Variants in MICOS10 observed in about 807,000 individuals in gnomAD.
MICOS10 encodes the protein MICOS complex subunit MIC10.
Under a neutral mutation model 13.4 loss-of-function variants are expected in MICOS10, and 5 were observed. That is an observed-to-expected ratio of 0.37 (90% CI 0.20 to 0.78). The LOEUF is 0.78. MICOS10 is among the 30% of genes least tolerant of loss of function. The pLI, the probability that MICOS10 is intolerant of heterozygous loss-of-function variation, is 0.47. For synonymous variants in MICOS10, 35 were observed against 33.6 expected (o/e 1.04, Z -0.15); for missense variants, 101 against 94.6 (o/e 1.07, Z -0.28).
At chr1:19,613,812 G>T (rs373156755) in intron 1 of MICOS10, among the ~76,000 whole-genome samples, 1 of 152,204 alleles carries the variant, frequency 6.6e-6, no homozygotes, top group African/African-American at 2.4e-5. Context: ...TGCACTGGGA[G>T]CAGTATAGTG....
At chr1:19,617,731 A>G (rs112653874) in intron 1 of MICOS10, among the ~76,000 whole-genome samples, 14 of 152,310 alleles carry the variant, frequency 9.2e-5, no homozygotes, top group African/African-American at 3.1e-4. Context: ...CATTGACAGA[A>G]ACACGATTGA....
chr1:19,600,692 C>T (rs1329513640), intron 1 of MICOS10: 3 of 359,310 alleles, frequency 8.3e-6, no homozygotes, highest in Non-Finnish European at 1.7e-5. Context: ...GCCTTGACCT[C>T]CAGAGCTCAG....
intron 2 of MICOS10, among the ~76,000 whole-genome samples, chr1:19,622,896 A>G (rs2094908670): frequency 6.6e-6 from 1 of 150,504 alleles, no homozygotes; most frequent in South Asian, 2.1e-4. Context: ...TAAAAGGTTT[A>G]TCTAGTGTTT....
At chr1:19,611,461 G>A (rs546931476) in intron 1 of MICOS10, among the ~76,000 whole-genome samples, 97 of 131,694 alleles carry the variant, frequency 7.4e-4, no homozygotes, top group Non-Finnish European at 1.1e-3. Flanking sequence ...TATTCCAGTT[G>A]CAACTTGATT....
intron 2 of MICOS10, among the ~76,000 whole-genome samples, chr1:19,622,641 G>A (rs2100328543): frequency 6.6e-6 from 1 of 152,238 alleles, no homozygotes; most frequent in Admixed American, 6.5e-5. Flanking sequence ...GATGCCAGAG[G>A]GATCCTTTTG....
chr1:19,619,466 C>T (rs552264861), intron 1 of MICOS10, among the ~76,000 whole-genome samples: 26 of 152,280 alleles, frequency 1.7e-4, no homozygotes, highest in African/African-American at 5.1e-4. Flanking sequence ...CATTTTCCCC[C>T]TTTTATTACC....
At chr1:19,608,226 A>G (rs765746628) in intron 1 of MICOS10, 71 of 1,429,130 alleles carry the variant, frequency 5.0e-5, no homozygotes, top group South Asian at 8.0e-5. Context: ...GCATCCTTCA[A>G]TGACACTTTT....
At chr1:19,604,891 C>A (rs1049467580) in intron 1 of MICOS10, among the ~76,000 whole-genome samples, 5 of 152,094 alleles carry the variant, frequency 3.3e-5, no homozygotes, top group Non-Finnish European at 5.9e-5. Flanking sequence ...GTGTTTCACT[C>A]CTTGAAGGTG....
chr1:19,606,754 A>G (rs2094836264), intron 1 of MICOS10, among the ~76,000 whole-genome samples: 1 of 152,082 alleles, frequency 6.6e-6, no homozygotes. Context: ...GTCTCCAAAA[A>G]AAAAAAGAAA....
rs1299061884 is a variant in MICOS10, at chr1:19,625,551, C to A, written c.223-836C>A. 3.9e-6 allele frequency: 5 copies of A among 1,289,450 alleles called. No individual in the cohort carries two copies. The highest frequency in any genetic ancestry group is 5.1e-6 in the Non-Finnish European group (5 of 988,886). The allele number at this position is 1,289,450 out of a possible 1,614,324, so 79.9% of individuals were successfully genotyped here. A position where few individuals can be genotyped will look rare whatever the true frequency, so the allele number is the denominator to read the frequency against. On this transcript the variant is annotated intron_variant, in intron 3 of 3. Coordinates refer to ENST00000322753, the MANE Select transcript of MICOS10 (RefSeq NM_001032363.4). Reference sequence around the variant, plus strand: ...CACTGAAGCCGGCAGCCGGCCTTTTCCACCACTCCCTGGCTCCTCGCTTTC... The same window carrying A: ...CACTGAAGCCGGCAGCCGGCCTTTTACACCACTCCCTGGCTCCTCGCTTTC...
chr1:19,621,264 T>G (rs1303626507), intron 1 of MICOS10, among the ~76,000 whole-genome samples: 1 of 152,158 alleles, frequency 6.6e-6, no homozygotes, highest in African/African-American at 2.4e-5. Flanking sequence ...ACTTGTGCGG[T>G]AGGATTGGTC....
At chr1:19,617,329 C>T (rs2294629) in intron 1 of MICOS10, 1 of 891,948 alleles carries the variant, frequency 1.1e-6, no homozygotes, top group Non-Finnish European at 1.3e-6. Flanking sequence ...CAGATAGCCA[C>T]AGGAAGGGTA....
chr1:19,623,451 A>AT, intron 2 of MICOS10, 23 bp from the exon 3 acceptor site: 1 of 1,479,850 alleles, frequency 6.8e-7, no homozygotes, highest in South Asian at 1.1e-5. Context: ...CCCTATTGGG[A>AT]TTTTCCCTTT....
intron 1 of MICOS10, chr1:19,608,422 T>C (rs1570476730): frequency 7.8e-7 from 1 of 1,275,692 alleles, no homozygotes; most frequent in Non-Finnish European, 1.1e-6. Context: ...CAGGAGGAAA[T>C]AGGACCAAGA....
chr1:19,600,301 T>TGGGCTGAGAGAGAGGGC (rs1200478250), intron 1 of MICOS10, among the ~76,000 whole-genome samples: 26 of 151,760 alleles, frequency 1.7e-4, no homozygotes, highest in African/African-American at 6.3e-4. Context: ...CTGTTGGTGA[T>TGGGCTGAGAGAGAGGGC]GGGCTGAGAG....
intron 1 of MICOS10, among the ~76,000 whole-genome samples, chr1:19,611,859 C>CTATT (rs763307209): frequency 2.0e-5 from 3 of 148,434 alleles, no homozygotes; most frequent in Non-Finnish European, 4.4e-5. Flanking sequence ...GTAGTCCCAG[C>CTATT]TATTTGGGAG....
At chr1:19,600,875 A>G in intron 1 of MICOS10, 1 of 1,288,180 alleles carries the variant, frequency 7.8e-7, no homozygotes, top group Non-Finnish European at 1.0e-6. Context: ...TGCCAGGATT[A>G]CAGGCATGAG....
At chr1:19,615,215 T>C (rs1338402048) in intron 1 of MICOS10, among the ~76,000 whole-genome samples, 1 of 152,246 alleles carries the variant, frequency 6.6e-6, no homozygotes, top group Non-Finnish European at 1.5e-5. Flanking sequence ...TGACCCTTGC[T>C]GAAGCCAGTA....
intron 1 of MICOS10, among the ~76,000 whole-genome samples, chr1:19,604,452 T>C (rs1019638515): frequency 6.6e-6 from 1 of 152,082 alleles, no homozygotes; most frequent in Non-Finnish European, 1.5e-5. Context: ...CAAGTTGCAG[T>C]GAGCTAAGAT....
Sources: allele counts gnomAD v4.1 joint callset (sites outside exome capture counted in the v4.1 genomes callset), GRCh38; gene constraint gnomAD v4.1.1; transcripts MANE v1.5; gene names NCBI Gene and HGNC (gene_info 2026-07-23, HGNC 2026-07-21).